The following ZNF148 variants were observed in gnomAD, a reference collection of about 807,000 sequenced individuals.
The protein encoded by ZNF148 is zinc finger protein 148, also known as Beta-Enolase Repressor Factor-1.
Under a neutral mutation model 67.7 loss-of-function variants are expected in ZNF148, and 7 were observed. The observed-to-expected ratio is 0.10, with a 90% CI of 0.06 to 0.19. The LOEUF (loss-of-function observed/expected upper bound fraction) is 0.19, where lower values mean the gene tolerates loss of function less well. ZNF148 is among the 10% of genes least tolerant of loss of function. ZNF148 has a pLI of 1.00. For missense variants in ZNF148, 583 were observed against 947.1 expected, an observed-to-expected ratio of 0.62 and a Z score of 5.05; for synonymous variants, 333 against 330.7, an observed-to-expected ratio of 1.01 and a Z score of -0.08.
intron 1 of ZNF148, among the ~76,000 whole-genome samples, chr3:125,353,088 A>C (rs1033474390): frequency 1.3e-5 from 2 of 152,242 alleles, no homozygotes; most frequent in Non-Finnish European, 2.9e-5. Context: ...TTGTTTACAA[A>C]AAACGCTGTA....
At chr3:125,284,812 T>C (rs1460988838) in intron 5 of ZNF148, among the ~76,000 whole-genome samples, 1 of 151,816 alleles carries the variant, frequency 6.6e-6, no homozygotes, top group African/African-American at 2.4e-5. Context: ...CTAGCTCAGT[T>C]ACCCTCTTCA....
chr3:125,244,167 T>C (rs1198361973), intron 7 of ZNF148, among the ~76,000 whole-genome samples: 12 of 152,172 alleles, frequency 7.9e-5, no homozygotes. Flanking sequence ...CTTCTAACAG[T>C]TTTCCAGTGA....
intron 1 of ZNF148, among the ~76,000 whole-genome samples, chr3:125,346,200 T>C (rs747745419): frequency 2.0e-5 from 3 of 152,154 alleles, no homozygotes; most frequent in Non-Finnish European, 2.9e-5. Flanking sequence ...ACCACATCAA[T>C]AGAACAAAGT....
At chr3:125,261,245 GC>G (rs1346565470) in intron 7 of ZNF148, among the ~76,000 whole-genome samples, 6 of 152,298 alleles carry the variant, frequency 3.9e-5, no homozygotes, top group African/African-American at 1.4e-4. Context: ...GACAGGTGGA[GC>G]TGGCCCATTG....
intron 4 of ZNF148, among the ~76,000 whole-genome samples, chr3:125,312,000 T>G (rs1940238460): frequency 6.6e-6 from 1 of 152,196 alleles, no homozygotes; most frequent in Admixed American, 6.5e-5. Flanking sequence ...ACTGGTGAAT[T>G]CTACCAAACA....
intron 7 of ZNF148, among the ~76,000 whole-genome samples, chr3:125,242,515 G>A (rs1936412482): frequency 6.6e-6 from 1 of 152,142 alleles, no homozygotes; most frequent in Admixed American, 6.6e-5. Context: ...CAGCTACTTG[G>A]GAGGCTGAAG....
At chr3:125,355,990 T>G (rs929369635) in intron 1 of ZNF148, among the ~76,000 whole-genome samples, 1 of 152,158 alleles carries the variant, frequency 6.6e-6, no homozygotes, top group East Asian at 1.9e-4. Flanking sequence ...AGGCTAAAAG[T>G]GCTCAAGTTA....
chr3:125,241,533 A>T (rs1485538272), intron 7 of ZNF148, among the ~76,000 whole-genome samples: 1 of 152,034 alleles, frequency 6.6e-6, no homozygotes, highest in Admixed American at 6.6e-5. Context: ...CACTGTTCTT[A>T]TCTTTTCTTT....
intron 7 of ZNF148, among the ~76,000 whole-genome samples, chr3:125,269,507 G>A (rs1937625426): frequency 6.6e-6 from 1 of 151,234 alleles, no homozygotes; most frequent in African/African-American, 2.4e-5. Context: ...ATACATTATT[G>A]GTAGACGTGA....
chr3:125,337,119 T>C (rs1941532582), intron 1 of ZNF148, among the ~76,000 whole-genome samples: 1 of 151,164 alleles, frequency 6.6e-6, no homozygotes, highest in South Asian at 2.1e-4. Context: ...AGCACTCAGA[T>C]ATATAGAAGC....
chr3:125,344,494 C>T, intron 1 of ZNF148: 1 of 1,153,338 alleles, frequency 8.7e-7, no homozygotes, highest in Non-Finnish European at 1.3e-6. Context: ...AAAAAATTCC[C>T]TGAAGACATC....
chr3:125,232,237 C>A lies in ZNF148; in HGVS notation c.*104G>T. 7.7e-7 allele frequency: 1 copy of A among 1,292,070 alleles called. No homozygotes were observed. Among genetic ancestry groups the A allele is most frequent in the East Asian group, 2.5e-5 (1 of 40,324 alleles). 80.0% of individuals were successfully genotyped at this position (1,292,070 alleles called of 1,614,324 possible). A position where few individuals can be genotyped will look rare whatever the true frequency, so the allele number is the denominator to read the frequency against. Reference sequence around the variant, plus strand: ...TTCATATCAGCTTAACTTGTTATTACGCATTGCTCTTAAATCTGTACAGCA... The same window carrying A: ...TTCATATCAGCTTAACTTGTTATTAAGCATTGCTCTTAAATCTGTACAGCA... On this transcript the variant is annotated 3_prime_UTR_variant, in exon 9 of 9. Transcript: ENST00000360647. This position sits in a 1 kb window ranked among gnomAD's most constrained non-coding sequence, Gnocchi z 4.2.
In ZNF148 at chr3:125,229,460, C is replaced by G. The variant is rs1935765110; in HGVS notation, c.*2881G>C. The stretch of plus-strand genomic sequence containing the variant: ...TAAGTACCACATTTGCATGTAGACC[C>G]AAAACGTTTAAGAGCCACTTAAATA... On this transcript the variant is annotated 3_prime_UTR_variant, in exon 9 of 9. Coordinates refer to ENST00000360647, the MANE Select transcript of ZNF148 (RefSeq NM_021964.3). 6.6e-6 allele frequency: 1 copy of G among 152,016 alleles called. No individual in the cohort carries two copies. Among genetic ancestry groups the G allele is most frequent in the Non-Finnish European group, 1.5e-5 (1 of 67,986 alleles). The allele number at this position is 152,016 out of a possible 1,614,324, so 9.4% of individuals were successfully genotyped here.
chr3:125,298,770 G>A (rs1483053095), intron 4 of ZNF148, among the ~76,000 whole-genome samples: 11 of 151,562 alleles, frequency 7.3e-5, no homozygotes, highest in Non-Finnish European at 1.0e-4. Context: ...GACTACAGGC[G>A]CGTGCCACCA....
chr3:125,351,320 T>A (rs1207821063), intron 1 of ZNF148, among the ~76,000 whole-genome samples: 1 of 132,004 alleles, frequency 7.6e-6, no homozygotes, highest in South Asian at 2.4e-4. Flanking sequence ...AGGTTGAGAC[T>A]GCAATCTGTT....
At chr3:125,234,428 G>T in intron 7 of ZNF148, 99 bp from the exon 8 acceptor site, 1 of 807,234 alleles carries the variant, frequency 1.2e-6, no homozygotes, top group Non-Finnish European at 2.0e-6. Context: ...TTTGAAAGTT[G>T]TAACTTCCAA....
intron 4 of ZNF148, among the ~76,000 whole-genome samples, chr3:125,311,960 A>G (rs2107671478): frequency 6.6e-6 from 1 of 152,292 alleles, no homozygotes; most frequent in Middle Eastern, 3.4e-3. Flanking sequence ...TAACTTTCCA[A>G]AACAGAAAGC....
At position 125,266,255 on chromosome 3, in the gene ZNF148, C is replaced by CT. The variant is rs1937527709; in HGVS notation, c.667+11470_667+11471insA. On this transcript the variant is annotated intron_variant, in intron 7 of 8. Transcript: ENST00000360647. ...GAGCTCTACAGTATACTCTACCCAA[C>CT]AACCATAGAAAATACATTTTTCTCA... is the stretch of plus-strand genomic sequence containing the variant. Among the ~76,000 whole-genome samples, 21 of 151,948 alleles carry CT rather than the reference C, an allele frequency of 1.4e-4. No individual in the cohort carries two copies. In the Middle Eastern group the frequency reaches 0.01, roughly 74 times the overall value.
rs1935667763 is a variant in ZNF148 at position 125,227,012 on chromosome 3, T to C, written c.*5329A>G. On this transcript the variant is annotated 3_prime_UTR_variant, in exon 9 of 9. Transcript: ENST00000360647. ...CCCATTTTGTATCTGATCCCGAGTTTGCAGTTGAGTCCTTCCCAATGATTT... is the reference window on the plus strand; with the variant it reads ...CCCATTTTGTATCTGATCCCGAGTTCGCAGTTGAGTCCTTCCCAATGATTT... The C allele has an allele frequency of 6.6e-6, 1 of 152,172 alleles. No individual in the cohort carries two copies. Among genetic ancestry groups the C allele is most frequent in the African/African-American group, 2.4e-5 (1 of 41,450 alleles). The allele number at this position is 152,172 out of a possible 1,614,324, so 9.4% of individuals were successfully genotyped here. A position where few individuals can be genotyped will look rare whatever the true frequency, so the allele number is the denominator to read the frequency against.
Sources: gnomAD v4.1 joint callset for allele counts (sites outside exome capture counted in the v4.1 genomes callset) on GRCh38, gnomAD v4.1.1 for gene constraint, Gnocchi (gnomAD v3.1) non-coding constraint, MANE v1.5 for transcripts, NCBI Gene and HGNC (gene_info 2026-07-23, HGNC 2026-07-21) for gene names.